Variants in LRRC4C observed in about 807,000 individuals in gnomAD.
LRRC4C encodes leucine-rich repeat-containing protein 4C.
LRRC4C carries 5 observed loss-of-function variants against 33.6 expected under a neutral mutation model. The observed-to-expected ratio is 0.15, with a 90% CI of 0.08 to 0.31. LRRC4C has a LOEUF of 0.31. Ranked by LOEUF, LRRC4C falls within the 10% of genes least tolerant of loss-of-function variation. The pLI is 1.00. For missense variants in LRRC4C, 560 were observed against 796.7 expected (o/e 0.70, Z 3.58); for synonymous variants, 329 against 302.0 (o/e 1.09, Z -0.93).
chr11:41,367,348 C>A (rs887759060), intron 1 of LRRC4C, among the ~76,000 whole-genome samples: 2 of 152,086 alleles, frequency 1.3e-5, no homozygotes, highest in Admixed American at 6.5e-5. Context: ...AATCTCACGG[C>A]CTTCTTCTAA....
intron 4 of LRRC4C, among the ~76,000 whole-genome samples, chr11:40,258,715 TAGA>T (rs962183050): frequency 2.0e-4 from 30 of 152,188 alleles, no homozygotes; most frequent in Admixed American, 2.0e-4. Context: ...CTGTTCTCAA[TAGA>T]AGGAGAGAAA....
rs150532712 is a variant in LRRC4C at position 41,301,100 on chromosome 11, C to T, written c.-496+158331G>A. 1.1e-4 allele frequency among the ~76,000 whole-genome samples: 17 copies of T among 152,242 alleles called. No individual in the cohort carries two copies. The East Asian group carries it at 1.9e-3, about 17-fold the overall frequency. On this transcript the variant is annotated intron_variant, in intron 1 of 6. Transcript: ENST00000528697. ...GAACCACTGAATTAGCTGATTCTCT[C>T]GATTCTCTGTAAATGTGCTATGCTT...
At chr11:40,347,062 G>C (rs1209228473) in intron 3 of LRRC4C, among the ~76,000 whole-genome samples, 1 of 152,210 alleles carries the variant, frequency 6.6e-6, no homozygotes. Context: ...GCCAGGCATT[G>C]ACTTCTCCTC....
intron 2 of LRRC4C, among the ~76,000 whole-genome samples, chr11:40,703,335 AT>A (rs1945974698): frequency 6.6e-6 from 1 of 152,144 alleles, no homozygotes; most frequent in Non-Finnish European, 1.5e-5. Flanking sequence ...TAGCCGTGAA[AT>A]TTTTCCATCT....
In LRRC4C at chr11:40,756,893, T is replaced by A. The variant is rs957511291; in HGVS notation, c.-406-108615A>T. On this transcript the variant is annotated intron_variant, in intron 2 of 6. Transcript: ENST00000528697. ...TTCATCCCATTTCTTTCTGTCAGAC[T>A]TTTTTTTTTCAAAATTTCCTTGAGG... 5.3e-5 allele frequency among the ~76,000 whole-genome samples: 8 copies of A among 151,092 alleles called. No homozygotes were observed. In the South Asian group the frequency reaches 6.3e-4, roughly 12 times the overall value.
intron 1 of LRRC4C, among the ~76,000 whole-genome samples, chr11:41,185,722 C>T (rs956655243): frequency 1.3e-5 from 2 of 151,714 alleles, no homozygotes; most frequent in Non-Finnish European, 2.9e-5. Context: ...TTATAATTTC[C>T]CAAATAAATG....
intron 2 of LRRC4C, among the ~76,000 whole-genome samples, chr11:40,891,735 A>T (rs1189856589): frequency 6.6e-6 from 1 of 152,216 alleles, no homozygotes; most frequent in Non-Finnish European, 1.5e-5. Context: ...GCTTATATCC[A>T]AAAGAAAGAC....
At chr11:40,817,432 T>G (rs916867852) in intron 2 of LRRC4C, among the ~76,000 whole-genome samples, 2 of 152,164 alleles carry the variant, frequency 1.3e-5, no homozygotes, top group Admixed American at 6.6e-5. Context: ...AGGACCCTGA[T>G]AGATATGATG....
intron 1 of LRRC4C, among the ~76,000 whole-genome samples, chr11:41,305,871 C>A (rs28431264): frequency 7.5e-6 from 1 of 132,734 alleles, no homozygotes; most frequent in Non-Finnish European, 1.6e-5. Context: ...CCAAATCCCC[C>A]TCTGTGAGAA....
chr11:40,587,737 G>A (rs958250519), intron 3 of LRRC4C, among the ~76,000 whole-genome samples: 30 of 152,128 alleles, frequency 2.0e-4, no homozygotes, highest in Admixed American at 2.0e-3. Context: ...AGATAATCAT[G>A]TGGTTTTTGT....
At chr11:40,467,858 T>C (rs904678687) in intron 3 of LRRC4C, among the ~76,000 whole-genome samples, 3 of 152,186 alleles carry the variant, frequency 2.0e-5, no homozygotes, top group African/African-American at 7.2e-5. Flanking sequence ...TCCTAGTATA[T>C]CACACTTGAA....
intron 1 of LRRC4C, among the ~76,000 whole-genome samples, chr11:41,072,255 G>A (rs1356528330): frequency 6.6e-6 from 1 of 152,008 alleles, no homozygotes; most frequent in Admixed American, 6.6e-5. Flanking sequence ...TTTCTTGAAA[G>A]AAAAAATTAA....
intron 1 of LRRC4C, among the ~76,000 whole-genome samples, chr11:41,211,300 G>A (rs1946809526): frequency 6.6e-6 from 1 of 152,112 alleles, no homozygotes; most frequent in South Asian, 2.1e-4. Flanking sequence ...CAATTGCAAA[G>A]AGGCCAACTA....
chr11:40,947,872 A>G (rs1411355964), intron 1 of LRRC4C, among the ~76,000 whole-genome samples: 2 of 152,110 alleles, frequency 1.3e-5, no homozygotes, highest in Non-Finnish European at 2.9e-5. Flanking sequence ...GGACAGTGGT[A>G]GGGTCTTCAT....
In LRRC4C at chr11:40,156,123, C is replaced by A. The variant is rs1160259703; in HGVS notation, c.-95-15270G>T. Among the ~76,000 whole-genome samples, 5 of 152,064 alleles carry A rather than the reference C, an allele frequency of 3.3e-5. No individual in the cohort carries two copies. In the South Asian group the frequency reaches 6.2e-4, roughly 19 times the overall value. ...AATCACATGATCATCTCAATACATGCAGAAAAAGCATTTGACAAAATCTAG... is the reference window on the plus strand; with the variant it reads ...AATCACATGATCATCTCAATACATGAAGAAAAAGCATTTGACAAAATCTAG... On this transcript the variant is annotated intron_variant, in intron 5 of 6. Transcript: ENST00000528697.
chr11:40,591,368 G>T (rs527905461), intron 3 of LRRC4C, among the ~76,000 whole-genome samples: 2 of 152,136 alleles, frequency 1.3e-5, no homozygotes, highest in South Asian at 2.1e-4. Flanking sequence ...ACTGACCTGC[G>T]CCCACTGTCT....
intron 4 of LRRC4C, among the ~76,000 whole-genome samples, chr11:40,291,674 C>T (rs536751870): frequency 1.3e-5 from 2 of 152,268 alleles, no homozygotes; most frequent in African/African-American, 4.8e-5. Flanking sequence ...CCCAAAAACC[C>T]ACCCTTTCTC....
At chr11:40,996,660 C>A (rs1853995442) in intron 1 of LRRC4C, among the ~76,000 whole-genome samples, 1 of 152,086 alleles carries the variant, frequency 6.6e-6, no homozygotes. Flanking sequence ...CATGGTTCTG[C>A]AGAGTGTACA....
At chr11:41,164,131 T>C (rs1406762558) in intron 1 of LRRC4C, among the ~76,000 whole-genome samples, 1 of 151,986 alleles carries the variant, frequency 6.6e-6, no homozygotes, top group Admixed American at 6.5e-5. Context: ...ACAGTTTCAC[T>C]GTACAAAGAA....
Sources: allele counts gnomAD v4.1 joint callset (sites outside exome capture counted in the v4.1 genomes callset), GRCh38; gene constraint gnomAD v4.1.1; transcripts MANE v1.5; gene names NCBI Gene and HGNC (gene_info 2026-07-23, HGNC 2026-07-21).